The following CPSF1 variants were observed in gnomAD, a reference collection of about 807,000 sequenced individuals.
CPSF1 encodes the protein cleavage and polyadenylation specific factor 1, also known as cleavage and polyadenylation specificity factor subunit 1.
A neutral mutation model predicts 175.8 loss-of-function variants in CPSF1; 106 were observed. The ratio of observed to expected loss-of-function variants is 0.60; its 90% CI spans 0.52 to 0.71. The LOEUF (loss-of-function observed/expected upper bound fraction) is 0.71, where lower values mean the gene tolerates loss of function less well. Among genes scored for constraint, CPSF1 ranks in the 30% least tolerant of loss-of-function variants. The probability of loss-of-function intolerance (pLI) is 0.00; values close to 1 mark genes in which losing one functional copy is unlikely to be tolerated. For missense variants in CPSF1, 1,734 were observed against 2,022.9 expected (o/e 0.86, Z 2.74); for synonymous variants, 1,024 against 858.3 (o/e 1.19, Z -3.37).
At position 144,400,662 on chromosome 8, in the gene CPSF1, G is replaced by C; in HGVS notation, c.686+9C>G. 3 of 1,603,306 alleles carry C rather than the reference G, an allele frequency of 1.9e-6. No individual in the cohort carries two copies. In the East Asian group the frequency reaches 6.7e-5, roughly 36 times the overall value. ...CCACAGTGCAGAGGGGCCTCCTTAG[G>C]GGGCTCACCCAGGCCAGGTCTGGTT... On this transcript the variant is annotated intron_variant, in intron 7 of 37. Transcript: ENST00000616140.
rs1374026782 is a variant in CPSF1, at chr8:144,397,754, G to A, written c.2199C>T (p.Gly733=). ...GRSGPEAEGL[G]SETSPTVDDE... ...CAGCCCCCACGCACCTAGTCTCTGA[G>A]CCCAGGCCCTCGGCCTCCGGGCCAC... is the stretch of plus-strand genomic sequence containing the variant. The change falls in exon 21 of 38, where the codon GGC becomes GGT. Residue 733 remains glycine, a synonymous_variant. Transcript: ENST00000616140. 2 of 1,605,882 alleles carry A rather than the reference G, an allele frequency of 1.2e-6. No individual in the cohort carries two copies. The highest frequency in any genetic ancestry group is 1.7e-6 in the Non-Finnish European group (2 of 1,175,074).
chr8:144,400,049 G>C lies in CPSF1; in HGVS notation c.974C>G (p.Ala325Gly), dbSNP rs1269912282. 1.1e-5 allele frequency: 17 copies of C among 1,611,866 alleles called. No homozygotes were observed. The Admixed American group carries it at 2.8e-4, about 27-fold the overall frequency. ...QEGVRITLDC[A>G]QATFISYDKM... is the part of the protein sequence containing the mutation. ...GTCGTAGGAGATGAAGGTGGCCTGG[G>C]CGCAGTCCAGGGTGATCCGCACACC... The change falls in exon 10 of 38, where the codon GCC becomes GGC. Residue 325 changes from alanine to glycine, a missense_variant. Transcript: ENST00000616140.
Position 144,400,146 on chromosome 8 carries a change from C to CCCCG in CPSF1, c.937+19_937+20insCGGG. On this transcript the variant is annotated intron_variant, in intron 9 of 37. Transcript: ENST00000616140. Reference sequence around the variant, plus strand: ...CAAGCCGTCCCCGGGCCCCCCCCGCCCCAGCCACCCCACACTCACGAAGCG... The same window carrying CCCCG: ...CAAGCCGTCCCCGGGCCCCCCCCGCCCCCGCCAGCCACCCCACACTCACGAAGCG... 11 of 1,387,292 alleles carry CCCCG rather than the reference C, an allele frequency of 7.9e-6. No individual in the cohort carries two copies. The highest frequency in any genetic ancestry group is 9.8e-6 in the Non-Finnish European group (10 of 1,021,304). The allele number at this position is 1,387,292 out of a possible 1,614,324, so 85.9% of individuals were successfully genotyped here. A position where few individuals can be genotyped will look rare whatever the true frequency, so the allele number is the denominator to read the frequency against.
rs2116860215 is a variant in CPSF1 at position 144,399,206 on chromosome 8, C to T, written c.1393-4G>A. The T allele has an allele frequency of 1.1e-4, 179 of 1,610,252 alleles. No individual in the cohort carries two copies. The African/African-American group carries it at 1.7e-3, about 15-fold the overall frequency. ...TGTTCAGGATGCTGTCACACACCTGCGGCACAGCAAGAGTCAGGGGCCCGC... is the reference window on the plus strand; with the variant it reads ...TGTTCAGGATGCTGTCACACACCTGTGGCACAGCAAGAGTCAGGGGCCCGC... On this transcript the variant is annotated splice_region_variant and splice_polypyrimidine_tract_variant and intron_variant, in intron 14 of 37. Transcript: ENST00000616140. The surrounding 1 kb of genome is among the most constrained non-coding windows in gnomAD (Gnocchi z 6.4).
rs1198340200 is a variant in CPSF1, at chr8:144,409,123, G to A, written c.36C>T (p.Thr12=). ...TGCAGTACATGGAGAACTCCAGACC[G>A]GTGGGCGGATGCGCCTGTTTGTACA... ...YAVYKQAHPP[T]GLEFSMYCNF... The change falls in exon 2 of 38, where the codon ACC becomes ACT. Residue 12 remains threonine (T), a synonymous_variant. Coordinates refer to ENST00000616140, the MANE Select transcript of CPSF1 (RefSeq NM_013291.3). The A allele has an allele frequency of 1.2e-6, 2 of 1,612,816 alleles. No individual in the cohort carries two copies. Among genetic ancestry groups the A allele is most frequent in the South Asian group, 1.1e-5 (1 of 90,990 alleles).
chr8:144,393,380 A>T lies in CPSF1; in HGVS notation c.4285-15T>A, dbSNP rs1245839688. 21 of 498,726 alleles carry T rather than the reference A, an allele frequency of 4.2e-5. No individual in the cohort carries two copies. Among genetic ancestry groups the T allele is most frequent in the East Asian group, 3.1e-4 (5 of 16,104 alleles). 30.9% of individuals were successfully genotyped at this position (498,726 alleles called of 1,614,324 possible). ...TCGTCCAGGATCTGCAGGGGATGGA[A>T]GGGTGGGTGGGTGGGTGGGTGGGGA... On this transcript the variant is annotated splice_polypyrimidine_tract_variant and intron_variant, in intron 37 of 37. Transcript: ENST00000616140.
chr8:144,396,126 G>C, intron 26 of CPSF1: 1 of 584,818 alleles, frequency 1.7e-6, no homozygotes, highest in Admixed American at 3.0e-5. Context: ...AGCAGTGGTG[G>C]GGACCCCAGG....
In CPSF1 at chr8:144,395,507, A is replaced by G; in HGVS notation, c.3024T>C (p.Asp1008=). 6.8e-7 allele frequency: 1 copy of G among 1,465,738 alleles called. No individual in the cohort carries two copies. Among genetic ancestry groups the G allele is most frequent in the Non-Finnish European group, 9.2e-7 (1 of 1,086,506 alleles). 90.8% of individuals were successfully genotyped at this position (1,465,738 alleles called of 1,614,324 possible). A position where few individuals can be genotyped will look rare whatever the true frequency, so the allele number is the denominator to read the frequency against. Reference sequence around the variant, plus strand: ...GGATCTTCCTGACAGGCCATGGGGCATCATAGGACAGGTAGGCAGGCAGGA... The same window carrying G: ...GGATCTTCCTGACAGGCCATGGGGCGTCATAGGACAGGTAGGCAGGCAGGA... ...ISVLPAYLSY[D]APWPVRKIPL... The change falls in exon 27 of 38, where the codon GAT becomes GAC. Residue 1008 remains aspartate (D), a synonymous_variant. Coordinates refer to ENST00000616140, the MANE Select transcript of CPSF1 (RefSeq NM_013291.3).
intron 2 of CPSF1, among the ~76,000 whole-genome samples, chr8:144,404,203 A>T (rs1554868277): frequency 6.6e-6 from 1 of 151,816 alleles, no homozygotes; most frequent in Non-Finnish European, 1.5e-5. Flanking sequence ...AGCCTGGGGG[A>T]CAAGAGAGAG....
chr8:144,400,135 G>GGGGGGGCCGCCCCCCCCCCCCCCCCC, intron 9 of CPSF1, 31 bp downstream of exon 9: 1 of 896,010 alleles, frequency 1.1e-6, no homozygotes, highest in Non-Finnish European at 1.6e-6. Flanking sequence ...CCGTCCCCGG[G>GGGGGGGCCGCCCCCCCCCCCCCCCCC]CCCCCCCCGC....
At chr8:144,407,959 C>T (rs2116909768) in intron 2 of CPSF1, among the ~76,000 whole-genome samples, 28 of 152,304 alleles carry the variant, frequency 1.8e-4, no homozygotes, top group Admixed American at 8.5e-4. Flanking sequence ...TGAGGAACTG[C>T]GGCCTCCTGC....
At chr8:144,396,252 A>G (rs1820718256) in intron 26 of CPSF1, 96 bp downstream of exon 26, 2 of 1,283,902 alleles carry the variant, frequency 1.6e-6, no homozygotes, top group Non-Finnish European at 1.1e-6. Flanking sequence ...CCTGGTCCTC[A>G]GGGTGGAGCC....
chr8:144,401,167 G>A (rs2116881980), intron 5 of CPSF1, 44 bp downstream of exon 5: 2 of 1,553,730 alleles, frequency 1.3e-6, no homozygotes, highest in Non-Finnish European at 1.7e-6. Context: ...GGGGAGGGAG[G>A]GTGGCTGGGC....
Position 144,398,613 on chromosome 8 carries a change from G to A in CPSF1, c.1664C>T (p.Thr555Ile). ...EEEDNPKGEGTEQEPSTTPEA... is the reference protein window; with the variant it reads ...EEEDNPKGEGIEQEPSTTPEA... ...AGGGGTGGTGCTGGGTTCCTGCTCT[G>A]TGCCCTCCCCCTTGGGATTGTCCTC... is the stretch of plus-strand genomic sequence containing the variant. The change falls in exon 18 of 38, where the codon ACA becomes ATA. Residue 555 changes from threonine to isoleucine, a missense_variant. Around this residue, in one of 10 missense-constraint regions of CPSF1, gnomAD observed 280 missense variants for 349.2 expected, o/e 0.80. Transcript: ENST00000616140. 1 of 1,613,926 alleles carries A rather than the reference G, an allele frequency of 6.2e-7. No homozygotes were observed. The highest frequency in any genetic ancestry group is 8.5e-7 in the Non-Finnish European group (1 of 1,180,006).
chr8:144,401,699 G>A (rs1554867321), intron 2 of CPSF1, 26 bp from the exon 3 acceptor site: 5 of 1,594,872 alleles, frequency 3.1e-6, no homozygotes, highest in Non-Finnish European at 3.4e-6. Context: ...AGACAGGGCA[G>A]TGAGGGGCCA....
In CPSF1 at chr8:144,393,737, G is replaced by T; in HGVS notation, c.4075C>A (p.Leu1359Met). ...GTCAGCGCGTTCTGCAGCATCAGCA[G>T]CCGCCGGTAGGTCTTCTCCTGCATG... Reference protein sequence around the residue: ...LPMQEKTYRRLLMLQNALTTM... With the variant: ...LPMQEKTYRRMLMLQNALTTM... Residue 1359 changes from leucine (L) to methionine (M), a missense_variant, in exon 36 of 38, where the codon CTG becomes ATG. By Grantham distance (15) the Leu-to-Met change is conservative. Coordinates refer to ENST00000616140, the MANE Select transcript of CPSF1 (RefSeq NM_013291.3). The T allele has an allele frequency of 6.3e-7, 1 of 1,577,330 alleles. No homozygotes were observed. Among genetic ancestry groups the T allele is most frequent in the Non-Finnish European group, 8.6e-7 (1 of 1,168,250 alleles).
At position 144,399,306 on chromosome 8, in the gene CPSF1, C is replaced by T. The variant is rs2116861205; in HGVS notation, c.1362G>A (p.Ser454=). ...EIEVYGSEAQ[S]GTQLATYSFE... ...AGGAGTAGGTGGCCAGCTGTGTTCCCGACTGGGCCTCGCTGCCGTACACTT... is the reference window on the plus strand; with the variant it reads ...AGGAGTAGGTGGCCAGCTGTGTTCCTGACTGGGCCTCGCTGCCGTACACTT... The change falls in exon 14 of 38, where the codon TCG becomes TCA. Residue 454 remains serine (S), a synonymous_variant. Coordinates refer to ENST00000616140, the MANE Select transcript of CPSF1 (RefSeq NM_013291.3). This position sits in a 1 kb window ranked among gnomAD's most constrained non-coding sequence, Gnocchi z 6.4. 142 of 1,612,206 alleles carry T rather than the reference C, an allele frequency of 8.8e-5. No individual in the cohort carries two copies. Among genetic ancestry groups the T allele is most frequent in the Non-Finnish European group, 2.7e-5 (32 of 1,179,990 alleles).
intron 35 of CPSF1, 42 bp downstream of exon 35, chr8:144,393,841 C>G (rs1554862398): frequency 4.4e-6 from 7 of 1,600,784 alleles, no homozygotes; most frequent in African/African-American, 1.3e-5. Flanking sequence ...CAGGCCAACC[C>G]TAGGGCCCCC....
intron 2 of CPSF1, among the ~76,000 whole-genome samples, chr8:144,404,645 C>T (rs1324726791): frequency 4.0e-5 from 6 of 150,648 alleles, no homozygotes; most frequent in Admixed American, 2.7e-4. Flanking sequence ...GCTGGGATTA[C>T]AGGCGTGAGC....
Sources: gnomAD v4.1 joint callset for allele counts (sites outside exome capture counted in the v4.1 genomes callset) on GRCh38, gnomAD v4.1.1 for gene constraint, gnomAD v4.1.1 regional missense constraint, Gnocchi (gnomAD v3.1) non-coding constraint, MANE v1.5 for transcripts, NCBI Gene and HGNC (gene_info 2026-07-23, HGNC 2026-07-21) for gene names.